The following MDGA2 variants were observed in gnomAD, a reference collection of about 807,000 sequenced individuals.
MDGA2 encodes the protein MAM domain containing glycosylphosphatidylinositol anchor 2, also known as MAM domain-containing glycosylphosphatidylinositol anchor protein 2.
Under a neutral mutation model 117.8 loss-of-function variants are expected in MDGA2, and 40 were observed. The observed-to-expected ratio is 0.34, with a 90% CI of 0.26 to 0.44. MDGA2 has a LOEUF of 0.44. MDGA2 is among the 20% of genes least tolerant of loss of function. The pLI, the probability that MDGA2 is intolerant of heterozygous loss-of-function variation, is 1.00. For missense variants in MDGA2, 1,123 were observed against 1,250.6 expected, an observed-to-expected ratio of 0.90 and a Z score of 1.54; for synonymous variants, 452 against 439.0, an observed-to-expected ratio of 1.03 and a Z score of -0.37.
At chr14:47,127,807 T>C (rs915774691) in intron 5 of MDGA2, among the ~76,000 whole-genome samples, 11 of 152,118 alleles carry the variant, frequency 7.2e-5, no homozygotes, top group African/African-American at 2.7e-4. Flanking sequence ...AAATTTTTTT[T>C]TTTAATAATC....
At chr14:47,075,741 G>A (rs1890466353) in intron 6 of MDGA2, among the ~76,000 whole-genome samples, 1 of 151,982 alleles carries the variant, frequency 6.6e-6, no homozygotes, top group African/African-American at 2.4e-5. Flanking sequence ...GCTGGGTAAA[G>A]GCTATATATG....
chr14:47,036,587 G>A lies in MDGA2; in HGVS notation c.1526-1283C>T, dbSNP rs560372709. ...AAGCTAAATAGAATGCTATAAATAC[G>A]AATAACCAGAAACATGAATAATTCT... is the stretch of plus-strand genomic sequence containing the variant. On this transcript the variant is annotated intron_variant, in intron 7 of 16. Transcript: ENST00000399232. 3.9e-4 allele frequency among the ~76,000 whole-genome samples: 60 copies of A among 152,246 alleles called. No individual in the cohort carries two copies. The South Asian group carries it at 0.01, about 26-fold the overall frequency.
chr14:47,029,830 T>G (rs1333432878), intron 8 of MDGA2, among the ~76,000 whole-genome samples: 2 of 152,134 alleles, frequency 1.3e-5, no homozygotes, highest in African/African-American at 4.8e-5. Context: ...GTTTTGTTTT[T>G]GTTTTTCTTT....
chr14:47,594,929 T>A (rs536885087), intron 1 of MDGA2, among the ~76,000 whole-genome samples: 45 of 152,124 alleles, frequency 3.0e-4, no homozygotes, highest in Non-Finnish European at 6.2e-4. Context: ...ATTTCCTCCA[T>A]CTCCCTCAAA....
At position 47,595,736 on chromosome 14, in the gene MDGA2, A is replaced by C. The variant is rs541778107; in HGVS notation, c.280+78781T>G. 5.3e-5 allele frequency among the ~76,000 whole-genome samples: 8 copies of C among 152,234 alleles called. No individual in the cohort carries two copies. The East Asian group carries it at 1.5e-3, about 29-fold the overall frequency. On this transcript the variant is annotated intron_variant, in intron 1 of 16. Transcript: ENST00000399232. Reference sequence around the variant, plus strand: ...AAATGTTTATTACCTGGAATGAGTCACTGGGAAAGTGCCCACTCTAGGCAA... The same window carrying C: ...AAATGTTTATTACCTGGAATGAGTCCCTGGGAAAGTGCCCACTCTAGGCAA...
At chr14:47,303,144 C>T (rs902537886) in intron 1 of MDGA2, among the ~76,000 whole-genome samples, 9 of 152,110 alleles carry the variant, frequency 5.9e-5, no homozygotes, top group Non-Finnish European at 1.3e-4. Context: ...GATATATCTG[C>T]AGGAATCCCC....
Position 46,965,113 on chromosome 14 carries a change from C to T in MDGA2, c.1820-7470G>A, listed in dbSNP as rs970932794. On this transcript the variant is annotated intron_variant, in intron 8 of 16. Coordinates refer to ENST00000399232, the MANE Select transcript of MDGA2 (RefSeq NM_001113498.3). ...TAATTTTTTGCATTTTTAGTAGAGACGGGGTTTCACCGTGTTAGCCAGGAT... is the reference window on the plus strand; with the variant it reads ...TAATTTTTTGCATTTTTAGTAGAGATGGGGTTTCACCGTGTTAGCCAGGAT... 3.1e-4 allele frequency among the ~76,000 whole-genome samples: 42 copies of T among 136,400 alleles called. 1 individual carries two copies. Among genetic ancestry groups the T allele is most frequent in the Admixed American group, 2.6e-3 (33 of 12,632 alleles). The allele number at this position is 136,400 out of a possible 152,430, so 89.5% of individuals were successfully genotyped here.
intron 10 of MDGA2, among the ~76,000 whole-genome samples, chr14:46,900,659 A>C (rs1363034630): frequency 2.0e-5 from 3 of 152,200 alleles, no homozygotes; most frequent in South Asian, 4.1e-4. Flanking sequence ...GAAATAATAT[A>C]ATTATAGGGA....
At chr14:47,662,965 C>T (rs1025879987) in intron 1 of MDGA2, among the ~76,000 whole-genome samples, 5 of 152,132 alleles carry the variant, frequency 3.3e-5, no homozygotes, top group South Asian at 2.1e-4. Context: ...AGACCTAAAA[C>T]TCTAAAATGC....
At chr14:47,340,879 A>G (rs1890600338) in intron 1 of MDGA2, among the ~76,000 whole-genome samples, 1 of 152,160 alleles carries the variant, frequency 6.6e-6, no homozygotes, top group South Asian at 2.1e-4. Context: ...ATATATTCAA[A>G]CACTCAAGAT....
At chr14:47,660,049 T>C (rs1897816287) in intron 1 of MDGA2, among the ~76,000 whole-genome samples, 1 of 152,200 alleles carries the variant, frequency 6.6e-6, no homozygotes, top group African/African-American at 2.4e-5. Flanking sequence ...ATGCTTTTTT[T>C]TTTTAAAGAA....
At chr14:47,242,844 C>A (rs929899079) in intron 2 of MDGA2, among the ~76,000 whole-genome samples, 1 of 151,862 alleles carries the variant, frequency 6.6e-6, no homozygotes, top group African/African-American at 2.4e-5. Context: ...GGGCACAGGA[C>A]TGGCAGGCAG....
chr14:47,631,187 C>T (rs1360831044), intron 1 of MDGA2, among the ~76,000 whole-genome samples: 4 of 152,120 alleles, frequency 2.6e-5, no homozygotes, highest in African/African-American at 9.7e-5. Context: ...AGCTGAAAAC[C>T]ACTGTTCTGG....
At chr14:47,355,292 C>A (rs780014135) in intron 1 of MDGA2, among the ~76,000 whole-genome samples, 13 of 152,130 alleles carry the variant, frequency 8.5e-5, no homozygotes, top group Non-Finnish European at 1.8e-4. Context: ...ACCTCTCTCC[C>A]GGAGAAAGGC....
chr14:47,537,259 G>A (rs1895232708), intron 1 of MDGA2, among the ~76,000 whole-genome samples: 2 of 137,774 alleles, frequency 1.5e-5, no homozygotes. Context: ...TGAACAATGA[G>A]AACACATGGA....
At chr14:47,232,690 T>C (rs1886731341) in intron 2 of MDGA2, among the ~76,000 whole-genome samples, 1 of 152,106 alleles carries the variant, frequency 6.6e-6, no homozygotes, top group South Asian at 2.1e-4. Context: ...GTGGTACCTA[T>C]AAAAGAAAAC....
intron 1 of MDGA2, among the ~76,000 whole-genome samples, chr14:47,360,613 TAC>T (rs1486431776): frequency 1.3e-5 from 2 of 152,112 alleles, no homozygotes; most frequent in Non-Finnish European, 2.9e-5. Context: ...AACCTTTGTA[TAC>T]TGTTGGTGGG....
Position 47,484,112 on chromosome 14 carries a change from A to C in MDGA2, c.281-182562T>G, listed in dbSNP as rs535247920. 2.2e-4 allele frequency among the ~76,000 whole-genome samples: 34 copies of C among 152,320 alleles called. No homozygotes were observed. In the South Asian group the frequency reaches 6.4e-3, roughly 29 times the overall value. ...TAATAGTAGGTATATGGCTACATGC[A>C]TATTTCTATTTCCTTCACAGATTTA... On this transcript the variant is annotated intron_variant, in intron 1 of 16. Transcript: ENST00000399232.
intron 3 of MDGA2, among the ~76,000 whole-genome samples, chr14:47,179,047 T>C (rs1884594087): frequency 6.6e-6 from 1 of 152,098 alleles, no homozygotes; most frequent in Non-Finnish European, 1.5e-5. Context: ...CTATATATCA[T>C]TAGAATGTTA....
Sources: gnomAD v4.1 joint callset for allele counts (sites outside exome capture counted in the v4.1 genomes callset) on GRCh38, gnomAD v4.1.1 for gene constraint, MANE v1.5 for transcripts, NCBI Gene and HGNC (gene_info 2026-07-23, HGNC 2026-07-21) for gene names.